ADAM18: variants seen among roughly 807,000 people sequenced by gnomAD.
ADAM18 encodes the protein ADAM metallopeptidase domain 18.
In ADAM18, 117 loss-of-function variants were observed where a neutral mutation model predicts 94.4. The ratio of observed to expected loss-of-function variants is 1.24; its 90% confidence interval spans 1.07 to 1.45. ADAM18 has a LOEUF of 1.45. Among genes scored for constraint, ADAM18 ranks in the 40% most tolerant of loss-of-function variants. The probability of loss-of-function intolerance (pLI) is 0.00; values close to 1 mark genes in which losing one functional copy is unlikely to be tolerated. For synonymous variants in ADAM18, 327 were observed against 291.6 expected (o/e 1.12, Z -1.24); for missense variants, 936 against 880.0 (o/e 1.06, Z -0.81).
intron 12 of ADAM18, among the ~76,000 whole-genome samples, chr8:39,650,423 TAATA>T (rs1208301572): frequency 3.9e-5 from 6 of 152,154 alleles, no homozygotes; most frequent in African/African-American, 1.4e-4. Context: ...AATTTACAAC[TAATA>T]AATAAATTCA....
chr8:39,591,930 G>A (rs1170368654), intron 2 of ADAM18, among the ~76,000 whole-genome samples: 1 of 152,186 alleles, frequency 6.6e-6, no homozygotes. Flanking sequence ...CAGGAAAACA[G>A]CCTTAATTTC....
chr8:39,729,491 A>C (rs1469145345), intron 19 of ADAM18, among the ~76,000 whole-genome samples: 1 of 152,174 alleles, frequency 6.6e-6, no homozygotes, highest in African/African-American at 2.4e-5. Flanking sequence ...AATAAAGACT[A>C]ACCTTTTATT....
chr8:39,648,903 CAAGAATTGCT>C (rs1820454755), intron 12 of ADAM18, among the ~76,000 whole-genome samples: 1 of 152,088 alleles, frequency 6.6e-6, no homozygotes, highest in Admixed American at 6.6e-5. Flanking sequence ...CTTGTTCTTG[CAAGAATTGCT>C]AAACATTATA....
At position 39,648,516 on chromosome 8, in the gene ADAM18, G is replaced by A. The variant is rs766564724; in HGVS notation, c.1219G>A (p.Gly407Ser). The A allele has an allele frequency of 6.3e-7, 1 of 1,595,924 alleles. No homozygotes were observed. Among genetic ancestry groups the A allele is most frequent in the Admixed American group, 1.8e-5 (1 of 56,000 alleles). ...ILESNEECDCGNKNECQFKKC... is the reference protein window; with the variant it reads ...ILESNEECDCSNKNECQFKKC... ...GGAATCCAATGAAGAATGTGACTGT[G>A]GTAATAAAAATGTGAGTAACAAAGA... The change falls in exon 12 of 20, where the codon GGT becomes AGT. Residue 407 changes from glycine (G) to serine (S), a missense_variant. By Grantham distance (56) the Gly-to-Ser change is moderately conservative. Transcript: ENST00000265707.
At chr8:39,687,945 T>C (rs912951935) in intron 16 of ADAM18, among the ~76,000 whole-genome samples, 2 of 152,192 alleles carry the variant, frequency 1.3e-5, no homozygotes, top group Non-Finnish European at 2.9e-5. Context: ...AATACATGTG[T>C]CTTTTTGGTA....
chr8:39,668,095 C>T lies in ADAM18; in HGVS notation c.1424C>T (p.Thr475Ile). 1 of 1,614,114 alleles carries T rather than the reference C, an allele frequency of 6.2e-7. No individual in the cohort carries two copies. Among genetic ancestry groups the T allele is most frequent in the East Asian group, 2.2e-5 (1 of 44,872 alleles). ...ACCTCTAGTAATTGTGTTCCTGACA[C>T]TTATGCATTGAATGGCCGTTTGTGC... ...NGTSSNCVPD[T>I]YALNGRLCKL... is the part of the protein sequence containing the mutation. Residue 475 changes from threonine to isoleucine, a missense_variant, in exon 14 of 20, where the codon ACT (threonine) becomes ATT (isoleucine). Thr to Ile is a moderately conservative substitution (Grantham distance 89). Coordinates refer to ENST00000265707, the MANE Select transcript of ADAM18 (RefSeq NM_014237.3).
chr8:39,663,990 T>C (rs1820923925), intron 13 of ADAM18, 100 bp downstream of exon 13: 1 of 777,100 alleles, frequency 1.3e-6, no homozygotes, highest in Non-Finnish European at 2.0e-6. Context: ...ATATAAGGAA[T>C]TTAGTGAAAT....
intron 18 of ADAM18, among the ~76,000 whole-genome samples, chr8:39,715,086 T>C (rs930342974): frequency 5.9e-5 from 9 of 152,178 alleles, no homozygotes; most frequent in South Asian, 2.1e-4. Flanking sequence ...TGTCTTACAA[T>C]GTACCTTAAC....
chr8:39,604,155 T>C (rs1431023100), intron 2 of ADAM18, among the ~76,000 whole-genome samples: 1 of 152,212 alleles, frequency 6.6e-6, no homozygotes, highest in African/African-American at 2.4e-5. Flanking sequence ...TTACACTCAT[T>C]TGATGTATCA....
rs774406737 is a variant in ADAM18, at chr8:39,648,533, T to A, written c.1230+6T>A. On this transcript the variant is annotated splice_donor_region_variant and intron_variant, in intron 12 of 19. Coordinates refer to ENST00000265707, the MANE Select transcript of ADAM18 (RefSeq NM_014237.3). ...GTGACTGTGGTAATAAAAATGTGAGTAACAAAGATTGAAACTCGAGCACAA... is the reference window on the plus strand; with the variant it reads ...GTGACTGTGGTAATAAAAATGTGAGAAACAAAGATTGAAACTCGAGCACAA... 2 of 1,586,520 alleles carry A rather than the reference T, an allele frequency of 1.3e-6. No individual in the cohort carries two copies. Among genetic ancestry groups the A allele is most frequent in the African/African-American group, 2.7e-5 (2 of 73,750 alleles).
At chr8:39,726,430 C>CA (rs1385220003) in intron 19 of ADAM18, among the ~76,000 whole-genome samples, 1 of 151,916 alleles carries the variant, frequency 6.6e-6, no homozygotes, top group Non-Finnish European at 1.5e-5. Flanking sequence ...CCTGGCCACC[C>CA]ATATATATTT....
At chr8:39,720,611 C>T (rs1822718926) in intron 18 of ADAM18, among the ~76,000 whole-genome samples, 1 of 151,366 alleles carries the variant, frequency 6.6e-6, no homozygotes, top group Non-Finnish European at 1.5e-5. Context: ...AAAACTAACA[C>T]ATCAAAACAA....
At chr8:39,642,014 A>G (rs975249334) in intron 10 of ADAM18, among the ~76,000 whole-genome samples, 13 of 152,150 alleles carry the variant, frequency 8.5e-5, no homozygotes, top group Non-Finnish European at 1.8e-4. Context: ...ATGATCAGTG[A>G]TGTTGAGCTT....
intron 2 of ADAM18, among the ~76,000 whole-genome samples, chr8:39,605,107 T>C (rs552742271): frequency 1.8e-4 from 28 of 152,336 alleles, no homozygotes; most frequent in Admixed American, 1.8e-3. Flanking sequence ...TGAGCCTGTG[T>C]GCTCCTTTTT....
intron 11 of ADAM18, among the ~76,000 whole-genome samples, chr8:39,647,978 C>T (rs1820431050): frequency 6.6e-6 from 1 of 152,080 alleles, no homozygotes; most frequent in Non-Finnish European, 1.5e-5. Context: ...TCTGATCTCT[C>T]TTTCTTTTCC....
At chr8:39,638,362 G>A in intron 9 of ADAM18, 103 bp from the exon 10 acceptor site, 1 of 661,020 alleles carries the variant, frequency 1.5e-6, no homozygotes, top group South Asian at 2.5e-5. Context: ...TTATATATTT[G>A]CAAAGTCATT....
intron 6 of ADAM18, among the ~76,000 whole-genome samples, chr8:39,616,305 A>C (rs1377822391): frequency 1.3e-5 from 2 of 152,012 alleles, no homozygotes; most frequent in African/African-American, 4.8e-5. Flanking sequence ...AGTTACTGGA[A>C]AGGCTGAGGC....
chr8:39,591,085 T>G (rs1818559330), intron 2 of ADAM18, among the ~76,000 whole-genome samples: 1 of 152,208 alleles, frequency 6.6e-6, no homozygotes, highest in Admixed American at 6.5e-5. Context: ...AAACCTTAAT[T>G]TAAAACACTT....
At chr8:39,598,075 T>C (rs749866430) in intron 2 of ADAM18, among the ~76,000 whole-genome samples, 4 of 152,228 alleles carry the variant, frequency 2.6e-5, no homozygotes, top group Non-Finnish European at 5.9e-5. Context: ...CCCTCCTTCA[T>C]TGCTAGTATG....
Sources: gnomAD v4.1 joint callset for allele counts (sites outside exome capture counted in the v4.1 genomes callset) on GRCh38, gnomAD v4.1.1 for gene constraint, MANE v1.5 for transcripts, NCBI Gene and HGNC (gene_info 2026-07-23, HGNC 2026-07-21) for gene names.